Variants in ZFHX3 observed in about 807,000 individuals in gnomAD.
The protein encoded by ZFHX3 is zinc finger homeobox protein 3.
In ZFHX3, 42 loss-of-function variants were observed where a neutral mutation model predicts 279.1. The observed-to-expected ratio is 0.15, with a 90% CI of 0.12 to 0.19. ZFHX3 has a LOEUF of 0.19. ZFHX3 is among the 10% of genes least tolerant of loss of function. The pLI, the probability that ZFHX3 is intolerant of heterozygous loss-of-function variation, is 1.00. For missense variants in ZFHX3, 4,981 were observed against 4,754.0 expected (o/e 1.05, Z -1.40); for synonymous variants, 2,293 against 1,957.8 (o/e 1.17, Z -4.52).
chr16:73,436,156 C>T (rs2017994457), intron 3 of ZFHX3, among the ~76,000 whole-genome samples: 1 of 152,126 alleles, frequency 6.6e-6, no homozygotes, highest in Admixed American at 6.5e-5. Flanking sequence ...ACGGAGAAAC[C>T]CTGTCTCTAC....
chr16:72,921,448 C>T (rs1374555409), intron 3 of ZFHX3, among the ~76,000 whole-genome samples: 1 of 152,186 alleles, frequency 6.6e-6, no homozygotes, highest in African/African-American at 2.4e-5. Context: ...GAAGACGGCG[C>T]AATGCAAAAG....
intron 1 of ZFHX3, among the ~76,000 whole-genome samples, chr16:73,831,857 C>A (rs1961005095): frequency 1.3e-5 from 2 of 152,220 alleles, no homozygotes; most frequent in South Asian, 2.1e-4. Flanking sequence ...TTGTCCCAAT[C>A]TGGCCAGGGC....
intron 2 of ZFHX3, among the ~76,000 whole-genome samples, chr16:73,519,007 C>G (rs2019569242): frequency 6.6e-6 from 1 of 152,166 alleles, no homozygotes; most frequent in African/African-American, 2.4e-5. Flanking sequence ...TCACTGTCTA[C>G]TAATGGAAAA....
At chr16:73,102,800 C>T (rs1415104372) in intron 7 of ZFHX3, among the ~76,000 whole-genome samples, 1 of 152,196 alleles carries the variant, frequency 6.6e-6, no homozygotes, top group African/African-American at 2.4e-5. Flanking sequence ...AATAGTACCT[C>T]TCTTACAGGT....
rs1165264062 is a variant in ZFHX3 at position 72,797,376 on chromosome 16, G to C, written c.5306C>G (p.Ser1769Cys). The change falls in exon 9 of 10, where the codon TCT (serine) becomes TGT (cysteine). Residue 1769 changes from serine (S) to cysteine (C), a missense_variant. Ser to Cys is a moderately radical substitution (Grantham distance 112). Transcript: ENST00000268489. Reference protein sequence around the residue: ...ELQQQAALIQSQLFNPTLLPH... With the variant: ...ELQQQAALIQCQLFNPTLLPH... ...AAGGAGGGTGGGGTTAAACAGCTGA[G>C]ACTGGATCAGGGCAGCCTGTTGCTG... The C allele has an allele frequency of 1.2e-6, 2 of 1,604,136 alleles. No homozygotes were observed. Among genetic ancestry groups the C allele is most frequent in the African/African-American group, 2.7e-5 (2 of 74,768 alleles).
intron 8 of ZFHX3, among the ~76,000 whole-genome samples, chr16:73,087,934 T>A (rs1447876871): frequency 6.6e-6 from 1 of 152,024 alleles, no homozygotes; most frequent in Non-Finnish European, 1.5e-5. Context: ...GTTCAAATGA[T>A]TCTCCTGCCT....
At position 73,831,296 on chromosome 16, in the gene ZFHX3, C is replaced by A. The variant is rs887876513; in HGVS notation, c.-1608+60355G>T. Reference sequence around the variant, plus strand: ...TATTTCAGAGTCTGGTACTAACGTCCGGAAGCAGCAGGCCATGTGTCCACT... The same window carrying A: ...TATTTCAGAGTCTGGTACTAACGTCAGGAAGCAGCAGGCCATGTGTCCACT... On this transcript the variant is annotated intron_variant, in intron 1 of 17. Transcript: ENST00000641206. Among the ~76,000 whole-genome samples the A allele has an allele frequency of 2.6e-5, 4 of 152,164 alleles. No homozygotes were observed. The East Asian group carries it at 7.7e-4, about 29-fold the overall frequency.
chr16:72,937,760 C>T lies in ZFHX3; in HGVS notation c.3216+12709G>A, dbSNP rs116493573. ...AGGGAAGGAAGGAAAACACCATCTCCTCTCACTTCCTGACCTTCCTCCTCT... is the reference window on the plus strand; with the variant it reads ...AGGGAAGGAAGGAAAACACCATCTCTTCTCACTTCCTGACCTTCCTCCTCT... On this transcript the variant is annotated intron_variant, in intron 3 of 9. Transcript: ENST00000268489. Among the ~76,000 whole-genome samples, 986 of 152,350 alleles carry T rather than the reference C, an allele frequency of 6.5e-3. 13 individuals carry two copies. The highest frequency in any genetic ancestry group is 0.023 in the African/African-American group (944 of 41,576).
intron 4 of ZFHX3, among the ~76,000 whole-genome samples, chr16:72,874,039 C>T (rs1351094167): frequency 2.6e-5 from 4 of 152,078 alleles, no homozygotes; most frequent in East Asian, 3.9e-4. Flanking sequence ...CTGTTGTGCC[C>T]GAGGACAGTC....
In ZFHX3 at chr16:73,854,085, T is replaced by C. The variant is rs1961657466; in HGVS notation, c.-1608+37566A>G. ...TGCTTGCGAGTAGAGTCAAAGTACA[T>C]ATCTGAGTATATAAGTAGATATTTT... On this transcript the variant is annotated intron_variant, in intron 1 of 17. Coordinates refer to the ZFHX3 transcript ENST00000641206. 2.0e-5 allele frequency among the ~76,000 whole-genome samples: 3 copies of C among 152,174 alleles called. No individual in the cohort carries two copies. The South Asian group carries it at 6.2e-4, about 32-fold the overall frequency.
intron 8 of ZFHX3, among the ~76,000 whole-genome samples, chr16:73,071,353 C>A (rs1394308958): frequency 1.3e-5 from 2 of 152,078 alleles, no homozygotes; most frequent in Admixed American, 6.5e-5. Flanking sequence ...GCTGACCAGG[C>A]TCCCCTGCCT....
chr16:73,127,455 A>G, intron 7 of ZFHX3: 1 of 1,305,446 alleles, frequency 7.7e-7, no homozygotes. Context: ...TGAGACATCA[A>G]GCGAGAGCCG....
intron 4 of ZFHX3, among the ~76,000 whole-genome samples, chr16:73,309,642 A>G (rs2015276417): frequency 6.6e-6 from 1 of 152,194 alleles, no homozygotes; most frequent in Admixed American, 6.5e-5. Context: ...GAGGAGTATT[A>G]TAATGGGAAC....
intron 1 of ZFHX3, among the ~76,000 whole-genome samples, chr16:73,730,914 T>C (rs992903129): frequency 2.0e-5 from 3 of 152,124 alleles, no homozygotes; most frequent in Non-Finnish European, 4.4e-5. Flanking sequence ...TGTGGTCCTG[T>C]CCAGGGCTTA....
At chr16:73,390,517 G>A (rs2016989768) in intron 3 of ZFHX3, among the ~76,000 whole-genome samples, 1 of 152,172 alleles carries the variant, frequency 6.6e-6, no homozygotes. Flanking sequence ...CGGAAATCTG[G>A]TTCTAGAGAA....
Position 72,795,474 on chromosome 16 carries a change from G to A in ZFHX3, c.7208C>T (p.Ser2403Phe), listed in dbSNP as rs766465283. ...APAPSANNTA[S>F]SAFLQLTAEA... Reference sequence around the variant, plus strand: ...CGCTGTAAGCTGCAAGAAAGCGGAGGAAGCTGTATTATTGGCTGATGGTGC... The same window carrying A: ...CGCTGTAAGCTGCAAGAAAGCGGAGAAAGCTGTATTATTGGCTGATGGTGC... Residue 2403 changes from serine to phenylalanine, a missense_variant, in exon 9 of 10, where the codon TCC becomes TTC. Physicochemically the swap from Ser to Phe is radical, Grantham distance 155. Around this residue, in one of 7 missense-constraint regions of ZFHX3, gnomAD observed 744 missense variants for 701.3 expected, o/e 1.06. Coordinates refer to ENST00000268489, the MANE Select transcript of ZFHX3 (RefSeq NM_006885.4). 1.9e-5 allele frequency: 30 copies of A among 1,614,070 alleles called. No individual in the cohort carries two copies. In the East Asian group the frequency reaches 3.3e-4, roughly 18 times the overall value.
intron 1 of ZFHX3, among the ~76,000 whole-genome samples, chr16:73,886,458 G>A (rs1434374832): frequency 6.6e-6 from 1 of 152,138 alleles, no homozygotes; most frequent in African/African-American, 2.4e-5. Context: ...TAAGACAGAC[G>A]GACTTTAATA....
intron 3 of ZFHX3, among the ~76,000 whole-genome samples, chr16:73,364,722 C>T (rs1408732570): frequency 6.6e-6 from 1 of 152,188 alleles, no homozygotes; most frequent in Non-Finnish European, 1.5e-5. Context: ...AGTCCATGGA[C>T]TTGAACTGTT....
intron 2 of ZFHX3, among the ~76,000 whole-genome samples, chr16:73,528,360 C>CTT (rs2019731249): frequency 6.6e-6 from 1 of 152,200 alleles, no homozygotes; most frequent in South Asian, 2.1e-4. Flanking sequence ...GCAAAGATAA[C>CTT]TTACACACAT....
Sources: allele counts gnomAD v4.1 joint callset (sites outside exome capture counted in the v4.1 genomes callset), GRCh38; gene constraint gnomAD v4.1.1; regional missense constraint gnomAD v4.1.1; transcripts MANE v1.5; gene names NCBI Gene and HGNC (gene_info 2026-07-23, HGNC 2026-07-21).